ME3: variants seen among roughly 807,000 people sequenced by gnomAD.
ME3 encodes the protein malic enzyme 3, also known as NADP-dependent malic enzyme, mitochondrial.
Under a neutral mutation model 68.9 loss-of-function variants are expected in ME3, and 48 were observed. That is an observed-to-expected ratio of 0.70 (90% CI 0.55 to 0.89). The LOEUF (loss-of-function observed/expected upper bound fraction) is 0.89, where lower values mean the gene tolerates loss of function less well. ME3 is among the 40% of genes least tolerant of loss of function. The probability of loss-of-function intolerance (pLI) is 0.00; values close to 1 mark genes in which losing one functional copy is unlikely to be tolerated. For missense variants in ME3, 675 were observed against 797.4 expected, an observed-to-expected ratio of 0.85 and a Z score of 1.85; for synonymous variants, 320 against 318.8, an observed-to-expected ratio of 1.00 and a Z score of -0.04.
chr11:86,651,642 G>T lies in ME3; in HGVS notation c.183+20120C>A, dbSNP rs185989070. ...AAAGTAGATAAAACCACAAAGATGG[G>T]GAAAAAACAGAGCAGAAATGCTGAA... On this transcript the variant is annotated intron_variant, in intron 2 of 14. Transcript: ENST00000543262. 2.3e-3 allele frequency among the ~76,000 whole-genome samples: 346 copies of T among 152,226 alleles called. 2 individuals carry two copies. Among genetic ancestry groups the T allele is most frequent in the African/African-American group, 8.1e-3 (338 of 41,550 alleles).
At chr11:86,611,605 TGGG>T (rs59161522) in intron 2 of ME3, among the ~76,000 whole-genome samples, 25,147 of 129,528 alleles carry the variant, frequency 0.19, 2,694 homozygotes, top group East Asian at 0.43. Context: ...CTCAATAAAG[TGGG>T]GGGGGGGGGA....
At chr11:86,588,857 C>A (rs538802342) in intron 2 of ME3, among the ~76,000 whole-genome samples, 1 of 152,304 alleles carries the variant, frequency 6.6e-6, no homozygotes, top group South Asian at 2.1e-4. Flanking sequence ...TCCTAACTCC[C>A]CAGAGCCTGA....
At chr11:86,524,937 A>G (rs1320382099) in intron 4 of ME3, among the ~76,000 whole-genome samples, 1 of 152,236 alleles carries the variant, frequency 6.6e-6, no homozygotes, top group Admixed American at 6.5e-5. Flanking sequence ...ATCCCTCGAA[A>G]GGAAGGAATC....
chr11:86,670,290 A>C (rs1292911823), intron 2 of ME3, among the ~76,000 whole-genome samples: 1 of 152,244 alleles, frequency 6.6e-6, no homozygotes, highest in East Asian at 1.9e-4. Context: ...CTGTGGCAAT[A>C]ACGAAGTGAG....
At chr11:86,560,860 C>T (rs1317379205) in intron 2 of ME3, among the ~76,000 whole-genome samples, 3 of 150,012 alleles carry the variant, frequency 2.0e-5, no homozygotes, top group Non-Finnish European at 4.4e-5. Context: ...CCCAGATGTC[C>T]CTTGTTTTTG....
At position 86,557,303 on chromosome 11, in the gene ME3, A is replaced by T. The variant is rs184140719; in HGVS notation, c.318-601T>A. ...CTAATCCCTGAGACCTGAAATCACT[A>T]AGCCAGGGAAAGAGGCTTCCATTCA... is the stretch of plus-strand genomic sequence containing the variant. On this transcript the variant is annotated intron_variant, in intron 3 of 14. Transcript: ENST00000543262. 1.4e-4 allele frequency among the ~76,000 whole-genome samples: 21 copies of T among 152,296 alleles called. No individual in the cohort carries two copies. The East Asian group carries it at 3.7e-3, about 27-fold the overall frequency.
intron 4 of ME3, among the ~76,000 whole-genome samples, chr11:86,535,023 A>AC (rs1457576976): frequency 6.6e-6 from 1 of 152,076 alleles, no homozygotes; most frequent in Non-Finnish European, 1.5e-5. Context: ...AAGGTTTAAA[A>AC]CCACTGGCCT....
At chr11:86,449,546 CAG>C (rs756634003) in intron 10 of ME3, among the ~76,000 whole-genome samples, 14 of 152,158 alleles carry the variant, frequency 9.2e-5, no homozygotes, top group Non-Finnish European at 1.6e-4. Flanking sequence ...TGTGGAAAAA[CAG>C]AGGAGAGCAA....
chr11:86,657,341 C>T (rs1945961963), intron 2 of ME3, among the ~76,000 whole-genome samples: 1 of 151,942 alleles, frequency 6.6e-6, no homozygotes, highest in African/African-American at 2.4e-5. Flanking sequence ...AGCTGGAAGC[C>T]ATCATTCTCA....
chr11:86,574,176 T>C (rs1957955447), intron 2 of ME3, among the ~76,000 whole-genome samples: 2 of 152,144 alleles, frequency 1.3e-5, no homozygotes, highest in Non-Finnish European at 2.9e-5. Context: ...CAAAGGAGTT[T>C]GTTATTACCC....
intron 4 of ME3, among the ~76,000 whole-genome samples, chr11:86,527,274 G>T (rs1954832018): frequency 6.6e-6 from 1 of 152,126 alleles, no homozygotes; most frequent in Admixed American, 6.5e-5. Flanking sequence ...AGTGATGGAA[G>T]ATCAAATGAA....
chr11:86,495,110 T>C (rs1161578830), intron 6 of ME3, among the ~76,000 whole-genome samples: 4 of 152,218 alleles, frequency 2.6e-5, no homozygotes, highest in Admixed American at 6.5e-5. Flanking sequence ...ACAGGTGTAA[T>C]GTGGGGAGAG....
intron 10 of ME3, 54 bp from the exon 11 acceptor site, chr11:86,448,309 A>C: frequency 7.6e-7 from 1 of 1,308,390 alleles, no homozygotes; most frequent in South Asian, 1.2e-5. Context: ...GTTGGGTAGG[A>C]GTACAGATGC....
chr11:86,650,150 A>G (rs1945304155), intron 2 of ME3, among the ~76,000 whole-genome samples: 1 of 152,168 alleles, frequency 6.6e-6, no homozygotes, highest in African/African-American at 2.4e-5. Context: ...CAGAAATAAT[A>G]CCACATATCT....
intron 2 of ME3, among the ~76,000 whole-genome samples, chr11:86,563,283 A>C (rs946271587): frequency 5.3e-5 from 8 of 152,084 alleles, no homozygotes; most frequent in African/African-American, 1.9e-4. Context: ...CATTACATTT[A>C]CATTTACAGT....
At chr11:86,532,415 AT>A (rs1162983840) in intron 4 of ME3, among the ~76,000 whole-genome samples, 7 of 152,214 alleles carry the variant, frequency 4.6e-5, no homozygotes, top group Admixed American at 4.6e-4. Flanking sequence ...CAGAATACAC[AT>A]TCTTCTCCAA....
At chr11:86,566,942 G>A (rs1183177909) in intron 2 of ME3, among the ~76,000 whole-genome samples, 2 of 152,118 alleles carry the variant, frequency 1.3e-5, no homozygotes, top group Non-Finnish European at 2.9e-5. Flanking sequence ...GAGTGGCCAG[G>A]CGCGATGGCT....
At chr11:86,459,187 T>C (rs1260833220) in intron 8 of ME3, among the ~76,000 whole-genome samples, 1 of 152,136 alleles carries the variant, frequency 6.6e-6, no homozygotes, top group Non-Finnish European at 1.5e-5. Context: ...TTCAAAATCA[T>C]GGAGTTGGCA....
chr11:86,494,711 T>C (rs896570020), intron 6 of ME3, among the ~76,000 whole-genome samples: 5 of 148,072 alleles, frequency 3.4e-5, no homozygotes, highest in Non-Finnish European at 5.9e-5. Context: ...ACGCGACTCA[T>C]TAAAGTGACC....
Sources: gnomAD v4.1 joint callset for allele counts (sites outside exome capture counted in the v4.1 genomes callset) on GRCh38, gnomAD v4.1.1 for gene constraint, MANE v1.5 for transcripts, NCBI Gene and HGNC (gene_info 2026-07-23, HGNC 2026-07-21) for gene names.